NOL9: variants seen among roughly 807,000 people sequenced by gnomAD.
The protein encoded by NOL9 is polynucleotide 5'-hydroxyl-kinase NOL9.
Under a neutral mutation model 67.9 loss-of-function variants are expected in NOL9, and 28 were observed. The ratio of observed to expected loss-of-function variants is 0.41; its 90% CI spans 0.31 to 0.57. NOL9 has a LOEUF of 0.57. Among genes scored for constraint, NOL9 ranks in the 20% least tolerant of loss-of-function variants. The probability of loss-of-function intolerance (pLI) is 0.25; values close to 1 mark genes in which losing one functional copy is unlikely to be tolerated. For missense variants in NOL9, 777 were observed against 897.0 expected (o/e 0.87, Z 1.71); for synonymous variants, 356 against 352.2 (o/e 1.01, Z -0.12).
At chr1:6,533,845 ACT>A (rs537565961) in intron 6 of NOL9, among the ~76,000 whole-genome samples, 77 of 150,560 alleles carry the variant, frequency 5.1e-4, no homozygotes, top group African/African-American at 1.9e-3. Flanking sequence ...TACAGCAATG[ACT>A]CTGTTCTAAG....
At chr1:6,554,021 G>T in intron 1 of NOL9, 86 bp downstream of exon 1, 1 of 1,134,764 alleles carries the variant, frequency 8.8e-7, no homozygotes, top group Non-Finnish European at 1.2e-6. Flanking sequence ...GGGGGACCAC[G>T]GTCCTCTCCT....
At chr1:6,541,401 C>T (rs966010015) in intron 6 of NOL9, among the ~76,000 whole-genome samples, 2 of 152,244 alleles carry the variant, frequency 1.3e-5, no homozygotes, top group African/African-American at 4.8e-5. Flanking sequence ...AGGCTTGTCT[C>T]GAACTCCCTA....
Position 6,550,479 on chromosome 1 carries a change from G to A in NOL9, c.533C>T (p.Ala178Val). The change falls in exon 2 of 12, where the codon GCA becomes GTA. Residue 178 changes from alanine (A) to valine (V), a missense_variant. This residue lies in a region of NOL9 where 364 missense variants were observed against 344.4 expected (regional missense o/e 1.06). Coordinates refer to ENST00000377705, the MANE Select transcript of NOL9 (RefSeq NM_024654.5). ...TTTCTCAGGCTGTGAGTAGTGAAGT[G>A]CATGGATACTCAAGCAAGAGTGGGT... The part of the protein sequence containing the change: ...VYTHSCLSIH[A>V]LHYSQPEKSK... 6.2e-7 allele frequency: 1 copy of A among 1,614,076 alleles called. No homozygotes were observed. Among genetic ancestry groups the A allele is most frequent in the South Asian group, 1.1e-5 (1 of 91,078 alleles).
intron 3 of NOL9, among the ~76,000 whole-genome samples, chr1:6,545,919 CAAAAAAAAA>C (rs66980518): frequency 0.048 from 2,851 of 59,748 alleles, 133 homozygotes; most frequent in African/African-American, 0.16. Context: ...GTCTGTGTCT[CAAAAAAAAA>C]AAAAAAAAAA....
rs191215983 is a variant in NOL9 at position 6,551,875 on chromosome 1, A to T, written c.397-1260T>A. Reference sequence around the variant, plus strand: ...TGAAACCCCGTCTCTACTAAAAAAAATACAAAAAACTTAGCCAGGTGTGGT... The same window carrying T: ...TGAAACCCCGTCTCTACTAAAAAAATTACAAAAAACTTAGCCAGGTGTGGT... On this transcript the variant is annotated intron_variant, in intron 1 of 11. Coordinates refer to ENST00000377705, the MANE Select transcript of NOL9 (RefSeq NM_024654.5). Among the ~76,000 whole-genome samples the T allele has an allele frequency of 1.3e-4, 20 of 152,218 alleles. No homozygotes were observed. In the East Asian group the frequency reaches 3.7e-3, roughly 28 times the overall value.
At chr1:6,549,349 G>A (rs963306050) in intron 3 of NOL9, 6 of 443,004 alleles carry the variant, frequency 1.4e-5, no homozygotes, top group South Asian at 6.6e-5. Context: ...AACCAACTAC[G>A]ATATAAAATG....
chr1:6,549,623 G>A lies in NOL9; in HGVS notation c.692C>T (p.Thr231Ile), dbSNP rs369948144. The change falls in exon 3 of 12, where the codon ACT (threonine) becomes ATT (isoleucine). Residue 231 changes from threonine to isoleucine, a missense_variant. Physicochemically the swap from Thr to Ile is moderately conservative, Grantham distance 89. Coordinates refer to ENST00000377705, the MANE Select transcript of NOL9 (RefSeq NM_024654.5). ...CGGATAGCTGGTTATGAAGTTTACAGTGGCAGTTTTCAGATGTTCTAGCAA... is the reference window on the plus strand; with the variant it reads ...CGGATAGCTGGTTATGAAGTTTACAATGGCAGTTTTCAGATGTTCTAGCAA... ...IVLLEHLKTATVNFITSYPGS... is the reference protein window; with the variant it reads ...IVLLEHLKTAIVNFITSYPGS... The A allele has an allele frequency of 2.5e-6, 4 of 1,614,072 alleles. No individual in the cohort carries two copies. In the African/African-American group the frequency reaches 5.3e-5, roughly 22 times the overall value.
At chr1:6,550,660 T>A in intron 1 of NOL9, 45 bp from the exon 2 acceptor site, 11 of 1,068,342 alleles carry the variant, frequency 1.0e-5, no homozygotes, top group Non-Finnish European at 1.4e-5. Flanking sequence ...ATCATGTCAC[T>A]AATGACTGAA....
In NOL9 at chr1:6,550,521, T is replaced by C; in HGVS notation, c.491A>G (p.Asp164Gly). Reference protein sequence around the residue: ...FTISQGQPAQDIFSVYTHSCL... With the variant: ...FTISQGQPAQGIFSVYTHSCL... ...AGAGTGGGTATACACAGAGAAGATG[T>C]CTTGGGCAGGCTGGCCTTGGCTGAT... The change falls in exon 2 of 12, where the codon GAC becomes GGC. Residue 164 changes from aspartate (D) to glycine (G), a missense_variant. Coordinates refer to ENST00000377705, the MANE Select transcript of NOL9 (RefSeq NM_024654.5). 6.2e-7 allele frequency: 1 copy of C among 1,614,076 alleles called. No individual in the cohort carries two copies. The highest frequency in any genetic ancestry group is 8.5e-7 in the Non-Finnish European group (1 of 1,180,000).
rs781488221 is a variant in NOL9 at position 6,550,415 on chromosome 1, G to A, written c.597C>T (p.Leu199=). The change falls in exon 2 of 12, where the codon CTC becomes CTT. Residue 199 remains leucine (L), a synonymous_variant. Transcript: ENST00000377705. ...CATTACCAAGGTTAAGATGAGATTTGAGCAAATTCCGGGCTTCCCTTTTCA... is the reference window on the plus strand; with the variant it reads ...CATTACCAAGGTTAAGATGAGATTTAAGCAAATTCCGGGCTTCCCTTTTCA... The part of the protein sequence containing the change: ...KELKREARNL[L]KSHLNLDDRR... 2.5e-6 allele frequency: 4 copies of A among 1,613,976 alleles called. 1 individual carries two copies. The South Asian group carries it at 4.4e-5, about 18-fold the overall frequency.
intron 1 of NOL9, among the ~76,000 whole-genome samples, chr1:6,551,068 T>C (rs1570088921): frequency 2.6e-5 from 4 of 151,714 alleles, no homozygotes; most frequent in South Asian, 4.2e-4. Flanking sequence ...TCCCAACACT[T>C]TGGGAAGCTG....
In NOL9 at chr1:6,550,578, A is replaced by G; in HGVS notation, c.434T>C (p.Leu145Pro). 1 of 1,613,788 alleles carries G rather than the reference A, an allele frequency of 6.2e-7. No individual in the cohort carries two copies. The highest frequency in any genetic ancestry group is 8.5e-7 in the Non-Finnish European group (1 of 1,179,918). Reference sequence around the variant, plus strand: ...ACCAAATACCTGCACCTGGCCATAGAGGCAAGTCACACGACAGATCCCACT... The same window carrying G: ...ACCAAATACCTGCACCTGGCCATAGGGGCAAGTCACACGACAGATCCCACT... ...TFSGICRVTCLYGQVQVFGFT... is the reference protein window; with the variant it reads ...TFSGICRVTCPYGQVQVFGFT... Residue 145 changes from leucine (L) to proline (P), a missense_variant, in exon 2 of 12, where the codon CTC becomes CCC. Leu to Pro is a moderately conservative substitution (Grantham distance 98). Transcript: ENST00000377705.
intron 6 of NOL9, among the ~76,000 whole-genome samples, chr1:6,536,026 T>A (rs1639147422): frequency 6.6e-6 from 1 of 152,060 alleles, no homozygotes; most frequent in African/African-American, 2.4e-5. Flanking sequence ...AGTGAGACAC[T>A]GCCTCTACAA....
chr1:6,529,314 G>A, intron 9 of NOL9, 143 bp from the exon 10 acceptor site: 2 of 742,026 alleles, frequency 2.7e-6, no homozygotes, highest in East Asian at 5.5e-5. Context: ...AAAACAGCCA[G>A]GCACAGTGGC....
At chr1:6,540,419 G>C (rs183586160) in intron 6 of NOL9, among the ~76,000 whole-genome samples, 3 of 152,228 alleles carry the variant, frequency 2.0e-5, no homozygotes, top group Admixed American at 2.0e-4. Flanking sequence ...ACCAAGCCCA[G>C]CCGAGAGTTA....
chr1:6,550,681 ATC>A, intron 1 of NOL9, 66 bp from the exon 2 acceptor site: 1 of 1,002,488 alleles, frequency 1.0e-6, no homozygotes, highest in Non-Finnish European at 1.4e-6. Context: ...ACATTCTAAA[ATC>A]TTTTTTTTTT....
At position 6,524,065 on chromosome 1, in the gene NOL9, A is replaced by G. The variant is rs1306008514; in HGVS notation, c.*1789T>C. ...TACAAGGCCAGCACAGTAAAACATCATATGAATGAGCCAGATTTCAACATA... is the reference window on the plus strand; with the variant it reads ...TACAAGGCCAGCACAGTAAAACATCGTATGAATGAGCCAGATTTCAACATA... On this transcript the variant is annotated 3_prime_UTR_variant, in exon 12 of 12. Coordinates refer to ENST00000377705, the MANE Select transcript of NOL9 (RefSeq NM_024654.5). 1.3e-5 allele frequency: 2 copies of G among 152,222 alleles called. No individual in the cohort carries two copies. The highest frequency in any genetic ancestry group is 3.8e-4 in the East Asian group (2 of 5,196). 9.4% of individuals were successfully genotyped at this position (152,222 alleles called of 1,614,324 possible).
intron 11 of NOL9, 88 bp from the exon 12 acceptor site, chr1:6,526,091 G>A (rs1638878190): frequency 1.7e-6 from 2 of 1,195,310 alleles, no homozygotes; most frequent in African/African-American, 1.5e-5. Flanking sequence ...AGAAGGCAGT[G>A]TCATGGTGAT....
At chr1:6,550,299 G>C in intron 2 of NOL9, 97 bp downstream of exon 2, 1 of 1,033,632 alleles carries the variant, frequency 9.7e-7, no homozygotes, top group Non-Finnish European at 1.5e-6. Flanking sequence ...CCAAAGTGCT[G>C]GGATTATAGG....
Sources: allele counts gnomAD v4.1 joint callset (sites outside exome capture counted in the v4.1 genomes callset), GRCh38; gene constraint gnomAD v4.1.1; regional missense constraint gnomAD v4.1.1; transcripts MANE v1.5; gene names NCBI Gene and HGNC (gene_info 2026-07-23, HGNC 2026-07-21).